HYDIN: variants seen among roughly 807,000 people sequenced by gnomAD.
HYDIN encodes HYDIN axonemal central pair apparatus protein, also known as axonemal central pair apparatus protein HYDIN.
HYDIN carries 132 observed loss-of-function variants against 403.9 expected under a neutral mutation model. That is an observed-to-expected ratio of 0.33 (90% confidence interval 0.28 to 0.38). The LOEUF is 0.38. Among genes scored for constraint, HYDIN ranks in the 10% least tolerant of loss-of-function variants. HYDIN has a pLI of 1.00. For synonymous variants in HYDIN, 1,202 were observed against 1,891.7 expected, an observed-to-expected ratio of 0.64 and a Z score of 9.46; for missense variants, 2,827 against 5,009.5, an observed-to-expected ratio of 0.56 and a Z score of 13.15.
chr16:71,090,676 GT>G (rs5817747), intron 11 of HYDIN, among the ~76,000 whole-genome samples: 33 of 149,242 alleles, frequency 2.2e-4, no homozygotes, highest in Admixed American at 1.3e-3. Context: ...ATTTTTGTGG[GT>G]TTTTTTTTGT....
rs541912471 is a variant in HYDIN, at chr16:70,888,642, G to C, written c.9774+945C>G. ...GGTGGACGTCATGGTTCCCCATGTG[G>C]TATCTCCACAAACAGCACAGGAGGT... On this transcript the variant is annotated intron_variant, in intron 58 of 85. Transcript: ENST00000393567. 2.0e-5 allele frequency among the ~76,000 whole-genome samples: 3 copies of C among 151,706 alleles called. No individual in the cohort carries two copies. In the East Asian group the frequency reaches 5.8e-4, roughly 29 times the overall value.
At chr16:70,876,018 A>T (rs568686445) in intron 62 of HYDIN, among the ~76,000 whole-genome samples, 187 of 152,144 alleles carry the variant, frequency 1.2e-3, no homozygotes, top group South Asian at 2.3e-3. Context: ...ATATAAAAAA[A>T]TTTTTTTTAA....
At position 70,833,028 on chromosome 16, in the gene HYDIN, G is replaced by A. The variant is rs376587432; in HGVS notation, c.13719C>T (p.Ser4573=). The change falls in exon 80 of 86, where the codon TCC becomes TCT. Residue 4573 remains serine (S), a synonymous_variant. Coordinates refer to ENST00000393567, the MANE Select transcript of HYDIN (RefSeq NM_001270974.2). ...WDIKKFEPHF[S]ISPEEGYITS... is the part of the protein sequence containing the mutation. ...TAATATAGCCTTCTTCTGGGCTAATGGAGAAATGAGGCTCAAATTTTTTGA... is the reference window on the plus strand; with the variant it reads ...TAATATAGCCTTCTTCTGGGCTAATAGAGAAATGAGGCTCAAATTTTTTGA... 6 of 1,613,554 alleles carry A rather than the reference G, an allele frequency of 3.7e-6. No individual in the cohort carries two copies. In the African/African-American group the frequency reaches 6.7e-5, roughly 18 times the overall value.
chr16:70,953,622 T>C (rs555551330), intron 40 of HYDIN, among the ~76,000 whole-genome samples: 14 of 152,176 alleles, frequency 9.2e-5, no homozygotes, highest in African/African-American at 3.1e-4. Flanking sequence ...CCAGCAAACA[T>C]TCCTCCTGGC....
At chr16:71,133,920 AT>A (rs1020567630) in intron 8 of HYDIN, among the ~76,000 whole-genome samples, 1 of 152,106 alleles carries the variant, frequency 6.6e-6, no homozygotes, top group African/African-American at 2.4e-5. Context: ...AAAAAAAAAA[AT>A]TTAAAGTACA....
chr16:71,138,706 T>C lies in HYDIN; in HGVS notation c.842-1354A>G, dbSNP rs527735800. Among the ~76,000 whole-genome samples the C allele has an allele frequency of 9.2e-5, 14 of 152,262 alleles. No individual in the cohort carries two copies. The East Asian group carries it at 2.1e-3, about 23-fold the overall frequency. On this transcript the variant is annotated intron_variant, in intron 7 of 85. Transcript: ENST00000393567. The stretch of plus-strand genomic sequence containing the variant: ...ACTTTAATTGGAATATCCTTAATTA[T>C]GGATGGTGTTGAACACCTTTTCATA...
At chr16:70,820,912 G>A (rs2036217118) in intron 83 of HYDIN, among the ~76,000 whole-genome samples, 1 of 152,048 alleles carries the variant, frequency 6.6e-6, no homozygotes, top group African/African-American at 2.4e-5. Context: ...GCCTCCCAAA[G>A]TGCTGGGATT....
At chr16:70,835,109 G>A (rs1015406506) in intron 78 of HYDIN, among the ~76,000 whole-genome samples, 19 of 148,708 alleles carry the variant, frequency 1.3e-4, no homozygotes, top group African/African-American at 4.7e-4. Flanking sequence ...ACAATTCTCT[G>A]CCTCAGCCTC....
intron 5 of HYDIN, among the ~76,000 whole-genome samples, chr16:71,165,412 G>A (rs6499487): frequency 1.3e-5 from 2 of 151,580 alleles, no homozygotes; most frequent in African/African-American, 4.9e-5. Context: ...TATTTTCAAT[G>A]GAACTCTCCC....
intron 24 of HYDIN, 111 bp downstream of exon 24, chr16:70,991,959 G>A (rs1253819474): frequency 1.9e-6 from 3 of 1,552,850 alleles, no homozygotes; most frequent in East Asian, 2.3e-5. Context: ...TTATTAAACT[G>A]TTGACTGGGT....
intron 1 of HYDIN, among the ~76,000 whole-genome samples, chr16:71,188,149 C>T (rs2087245284): frequency 6.6e-6 from 1 of 152,074 alleles, no homozygotes; most frequent in South Asian, 2.1e-4. Flanking sequence ...TACTTCTTCC[C>T]AAGAAGAGGA....
intron 14 of HYDIN, 61 bp from the exon 15 acceptor site, chr16:71,067,451 G>A (rs1408312209): frequency 1.0e-6 from 1 of 996,368 alleles, no homozygotes; most frequent in African/African-American, 1.6e-5. Flanking sequence ...ACACGGGGGA[G>A]GGGAGCCTCC....
At chr16:71,206,169 C>A (rs889781831) in intron 1 of HYDIN, among the ~76,000 whole-genome samples, 1 of 152,176 alleles carries the variant, frequency 6.6e-6, no homozygotes, top group African/African-American at 2.4e-5. Flanking sequence ...GTGGACACAA[C>A]CCTGTGTTTC....
intron 16 of HYDIN, 60 bp from the exon 17 acceptor site, chr16:71,062,393 G>GATA (rs2082121480): frequency 7.1e-7 from 1 of 1,405,392 alleles, no homozygotes; most frequent in Admixed American, 2.3e-5. Flanking sequence ...TAGCGTATTT[G>GATA]CTTATTTTGA....
chr16:71,175,877 AG>A, intron 4 of HYDIN, 136 bp from the exon 5 acceptor site: 1 of 790,722 alleles, frequency 1.3e-6, no homozygotes, highest in African/African-American at 1.7e-5. Context: ...CTATAAAAGG[AG>A]ATGATAGTAC....
At chr16:71,054,189 A>C (rs1385096088) in intron 18 of HYDIN, among the ~76,000 whole-genome samples, 1 of 152,292 alleles carries the variant, frequency 6.6e-6, no homozygotes, top group African/African-American at 2.4e-5. Context: ...TTAGGAAACA[A>C]AGCTACTATT....
chr16:70,836,664 C>T (rs533911335), intron 77 of HYDIN, among the ~76,000 whole-genome samples: 5 of 152,360 alleles, frequency 3.3e-5, no homozygotes, highest in African/African-American at 9.6e-5. Flanking sequence ...CCACTGGTCA[C>T]TGTCATGGTC....
intron 64 of HYDIN, among the ~76,000 whole-genome samples, chr16:70,873,941 CT>C (rs1403010431): frequency 6.9e-6 from 1 of 145,442 alleles, no homozygotes; most frequent in African/African-American, 2.5e-5. Context: ...CACAAGCCAG[CT>C]AATAAATGCA....
At chr16:70,841,329 C>T (rs1321015523) in intron 75 of HYDIN, among the ~76,000 whole-genome samples, 5 of 152,102 alleles carry the variant, frequency 3.3e-5, no homozygotes, top group East Asian at 1.9e-4. Flanking sequence ...TAACATGTTA[C>T]GTTTCTGTTT....
Sources: gnomAD v4.1 joint callset for allele counts (sites outside exome capture counted in the v4.1 genomes callset) on GRCh38, gnomAD v4.1.1 for gene constraint, MANE v1.5 for transcripts, NCBI Gene and HGNC (gene_info 2026-07-23, HGNC 2026-07-21) for gene names.